Variants in TRMT11 observed in about 807,000 individuals in gnomAD.
TRMT11 encodes tRNA methyltransferase 11.
A neutral mutation model predicts 62.8 loss-of-function variants in TRMT11; 53 were observed. The observed-to-expected ratio is 0.84, with a 90% CI of 0.68 to 1.06. TRMT11 has a LOEUF of 1.06. Ranked by LOEUF, TRMT11 falls within the 50% of genes least tolerant of loss-of-function variation. The pLI is 0.00. For missense variants in TRMT11, 556 were observed against 553.4 expected (o/e 1.00, Z -0.05); for synonymous variants, 188 against 190.3 (o/e 0.99, Z 0.10).
chr6:126,046,825 C>T (rs768247463), intron 16 of TRMT11, among the ~76,000 whole-genome samples: 1 of 152,160 alleles, frequency 6.6e-6, no homozygotes, highest in Non-Finnish European at 1.5e-5. Context: ...CTTTTTGCAT[C>T]TGAATATATA....
the TRMT11 span, among the ~76,000 whole-genome samples, chr6:126,210,201 GT>G: frequency 6.6e-6 from 1 of 152,190 alleles, no homozygotes; most frequent in Non-Finnish European, 1.5e-5. Context: ...TTAAAAGAGG[GT>G]CTTGAAATTC....
the TRMT11 span, among the ~76,000 whole-genome samples, chr6:126,243,610 A>C: frequency 6.6e-6 from 1 of 152,224 alleles, no homozygotes; most frequent in Non-Finnish European, 1.5e-5. Context: ...AGCCATAAAA[A>C]AAGATGAATT....
Position 126,155,048 on chromosome 6 carries a change from G to A in TRMT11, c.*1824-19777G>A, listed in dbSNP as rs1369669583. Among the ~76,000 whole-genome samples, 11 of 152,242 alleles carry A rather than the reference G, an allele frequency of 7.2e-5. No homozygotes were observed. The East Asian group carries it at 1.7e-3, about 24-fold the overall frequency. The stretch of plus-strand genomic sequence containing the variant: ...AAACTCATTGTATTAGGCTGTTTGA[G>A]TTGTTATAAAGAAATACCTGAGACT... On this transcript the variant is annotated intron_variant and NMD_transcript_variant, in intron 21 of 22. Coordinates refer to the TRMT11 transcript ENST00000648977.
At chr6:126,027,634 T>G (rs1773433474) in intron 12 of TRMT11, among the ~76,000 whole-genome samples, 1 of 152,162 alleles carries the variant, frequency 6.6e-6, no homozygotes, top group South Asian at 2.1e-4. Context: ...TATAAATCAG[T>G]TGTCTTTTTT....
At position 125,998,548 on chromosome 6, in the gene TRMT11, A is replaced by T. The variant is rs139590235; in HGVS notation, c.388-2A>T. On this transcript the variant is annotated splice_acceptor_variant, in intron 5 of 12. Coordinates refer to ENST00000334379, the MANE Select transcript of TRMT11 (RefSeq NM_001031712.3). LOFTEE classifies it high-confidence loss of function. ...CATCAGCATTTCTTTTGTTTCTTTT[A>T]GGCACTTGAATTTCTGCCATTTGAA... 1.3e-5 allele frequency: 21 copies of T among 1,610,238 alleles called. No homozygotes were observed. The highest frequency in any genetic ancestry group is 1.7e-5 in the Admixed American group (1 of 59,204).
chr6:125,986,967 G>A (rs1458587067), intron 1 of TRMT11: 1 of 288,448 alleles, frequency 3.5e-6, no homozygotes. Context: ...GGTGTTTGAA[G>A]TATTGGAATC....
chr6:126,219,817 C>G, the TRMT11 span, among the ~76,000 whole-genome samples: 3 of 152,188 alleles, frequency 2.0e-5, no homozygotes, highest in Non-Finnish European at 4.4e-5. Flanking sequence ...TTATAATGTT[C>G]TACGTATTCT....
chr6:126,247,343 GCACACACGCA>G, the TRMT11 span, among the ~76,000 whole-genome samples: 71 of 151,154 alleles, frequency 4.7e-4, no homozygotes, highest in African/African-American at 1.7e-3. Flanking sequence ...ACACATGCAC[GCACACACGCA>G]CACACATATA....
At chr6:126,215,483 T>A in the TRMT11 span, among the ~76,000 whole-genome samples, 1 of 152,116 alleles carries the variant, frequency 6.6e-6, no homozygotes, top group Admixed American at 6.6e-5. Flanking sequence ...TGAAATCTAT[T>A]TTGTCTGATA....
At chr6:126,081,927 C>T (rs144241114) in intron 17 of TRMT11, among the ~76,000 whole-genome samples, 28 of 152,312 alleles carry the variant, frequency 1.8e-4, no homozygotes, top group African/African-American at 6.0e-4. Flanking sequence ...TGGAACTAAT[C>T]TGTGCTCTCT....
At chr6:126,127,023 A>G (rs1777726602) in intron 21 of TRMT11, among the ~76,000 whole-genome samples, 1 of 152,158 alleles carries the variant, frequency 6.6e-6, no homozygotes, top group Admixed American at 6.6e-5. Flanking sequence ...ACACTCAACA[A>G]AAAATCAAAT....
At chr6:126,093,523 ATGC>A (rs1777297913) in intron 17 of TRMT11, among the ~76,000 whole-genome samples, 1 of 141,138 alleles carries the variant, frequency 7.1e-6, no homozygotes, top group South Asian at 2.3e-4. Context: ...AACTGGGGTG[ATGC>A]TGCTTCAATC....
intron 12 of TRMT11, among the ~76,000 whole-genome samples, chr6:126,034,686 T>C (rs901071207): frequency 6.6e-6 from 1 of 152,088 alleles, no homozygotes; most frequent in Non-Finnish European, 1.5e-5. Flanking sequence ...TACTAAACTT[T>C]GGCAGAACTC....
At chr6:126,014,528 C>T (rs1794705196) in intron 11 of TRMT11, among the ~76,000 whole-genome samples, 1 of 152,186 alleles carries the variant, frequency 6.6e-6, no homozygotes, top group Non-Finnish European at 1.5e-5. Flanking sequence ...GGATTATAGG[C>T]GTGAGCCACC....
chr6:126,191,640 A>C (rs1206612275), intron 1 of TRMT11, among the ~76,000 whole-genome samples: 1 of 151,872 alleles, frequency 6.6e-6, no homozygotes, highest in African/African-American at 2.4e-5. Context: ...TAAGATGGGT[A>C]TTTAGTTCCT....
downstream of TRMT11, among the ~76,000 whole-genome samples, chr6:126,044,202 TCTTTAA>T (rs1775978419): frequency 3.3e-5 from 5 of 152,206 alleles, no homozygotes; most frequent in African/African-American, 1.2e-4. Flanking sequence ...AACGTTTAAG[TCTTTAA>T]TCCATCTTGA....
At chr6:126,022,261 C>T (rs922106459) in intron 12 of TRMT11, among the ~76,000 whole-genome samples, 7 of 151,578 alleles carry the variant, frequency 4.6e-5, no homozygotes, top group Admixed American at 4.6e-4. Flanking sequence ...GTTGGCCAGG[C>T]TGGTCTTGAA....
At chr6:126,057,282 T>C (rs1164363729) in intron 17 of TRMT11, among the ~76,000 whole-genome samples, 1 of 152,240 alleles carries the variant, frequency 6.6e-6, no homozygotes, top group Non-Finnish European at 1.5e-5. Context: ...TTGTCTTGAT[T>C]TTCTGATGCC....
At chr6:126,264,461 C>G in the TRMT11 span, among the ~76,000 whole-genome samples, 1 of 152,230 alleles carries the variant, frequency 6.6e-6, no homozygotes, top group East Asian at 1.9e-4. Context: ...GACGGAGGTT[C>G]AGAGGTTATT....
Sources: gnomAD v4.1 joint callset for allele counts (sites outside exome capture counted in the v4.1 genomes callset) on GRCh38, gnomAD v4.1.1 for gene constraint, MANE v1.5 for transcripts, NCBI Gene and HGNC (gene_info 2026-07-23, HGNC 2026-07-21) for gene names.